The following TRPM3 variants were observed in gnomAD, a reference collection of about 807,000 sequenced individuals.
TRPM3 encodes transient receptor potential cation channel subfamily M member 3.
Under a neutral mutation model 181.2 loss-of-function variants are expected in TRPM3, and 77 were observed. That is an observed-to-expected ratio of 0.42 (90% CI 0.35 to 0.51). The LOEUF (loss-of-function observed/expected upper bound fraction) is 0.51. TRPM3 is among the 20% of genes least tolerant of loss of function. TRPM3 has a pLI of 0.01. For synonymous variants in TRPM3, 745 were observed against 796.4 expected (o/e 0.94, Z 1.09); for missense variants, 1,759 against 2,196.7 (o/e 0.80, Z 3.98).
chr9:70,846,248 C>T (rs1417651717), intron 4 of TRPM3, 130 bp downstream of exon 4: 1 of 809,902 alleles, frequency 1.2e-6, no homozygotes, highest in Non-Finnish European at 2.1e-6. Flanking sequence ...GGAGTGATAA[C>T]CAGCAACTAT....
chr9:70,900,225 C>G (rs901599603), intron 1 of TRPM3, among the ~76,000 whole-genome samples: 1 of 152,138 alleles, frequency 6.6e-6, no homozygotes, highest in African/African-American at 2.4e-5. Flanking sequence ...TTATTACACT[C>G]AGCTACTCGG....
intron 1 of TRPM3, among the ~76,000 whole-genome samples, chr9:70,934,333 G>C (rs901750500): frequency 6.6e-6 from 1 of 152,118 alleles, no homozygotes; most frequent in African/African-American, 2.4e-5. Context: ...GATATGGGAA[G>C]GTCAGTCTGA....
At chr9:70,670,243 A>G (rs2062657355) in intron 9 of TRPM3, among the ~76,000 whole-genome samples, 1 of 152,204 alleles carries the variant, frequency 6.6e-6, no homozygotes, top group African/African-American at 2.4e-5. Flanking sequence ...GCCAACTTTC[A>G]TGCCGAAGAA....
chr9:71,419,239 T>C (rs532848201), intron 1 of TRPM3, among the ~76,000 whole-genome samples: 2 of 151,790 alleles, frequency 1.3e-5, no homozygotes, highest in African/African-American at 2.4e-5. Flanking sequence ...GTAATTATCA[T>C]AGTAGCAATA....
chr9:70,562,657 A>T (rs1406073611), intron 22 of TRPM3, among the ~76,000 whole-genome samples: 2 of 151,518 alleles, frequency 1.3e-5, no homozygotes, highest in African/African-American at 4.9e-5. Flanking sequence ...CTGGGGGAGA[A>T]GTGGGGAGAA....
At chr9:70,857,644 T>C (rs949830561) in intron 3 of TRPM3, among the ~76,000 whole-genome samples, 5 of 152,188 alleles carry the variant, frequency 3.3e-5, no homozygotes, top group Non-Finnish European at 7.3e-5. Context: ...GAAACAGAAC[T>C]GACAGGAGTC....
chr9:70,673,941 C>A (rs2134118922), intron 9 of TRPM3, among the ~76,000 whole-genome samples: 1 of 109,066 alleles, frequency 9.2e-6, no homozygotes. Flanking sequence ...CAGAGTAAAA[C>A]TCCATCTCAA....
At position 71,421,539 on chromosome 9, in the gene TRPM3, C is replaced by G. The variant is rs116212191; in HGVS notation, c.183+25114G>C. On this transcript the variant is annotated intron_variant, in intron 1 of 24. Coordinates refer to the TRPM3 transcript ENST00000357533. ...CTGCAGACATCATCAGAGGAATCCA[C>G]ACAACAAACCATACCAACTAGCCTT... is the stretch of plus-strand genomic sequence containing the variant. 8.6e-4 allele frequency among the ~76,000 whole-genome samples: 130 copies of G among 152,032 alleles called. 1 individual carries two copies. Among genetic ancestry groups the G allele is most frequent in the African/African-American group, 3.1e-3 (127 of 41,508 alleles).
At chr9:71,019,072 A>G (rs1192824864) in intron 1 of TRPM3, among the ~76,000 whole-genome samples, 2 of 152,014 alleles carry the variant, frequency 1.3e-5, no homozygotes, top group South Asian at 4.1e-4. Context: ...ATGCATATAA[A>G]CAACTAAGAA....
intron 1 of TRPM3, among the ~76,000 whole-genome samples, chr9:71,376,916 T>C (rs1397676778): frequency 6.6e-6 from 1 of 152,068 alleles, no homozygotes; most frequent in Non-Finnish European, 1.5e-5. Flanking sequence ...TTCAGCTCTC[T>C]TACTGCACAT....
chr9:70,642,552 G>T (rs1564673977), intron 9 of TRPM3, among the ~76,000 whole-genome samples: 1 of 152,138 alleles, frequency 6.6e-6, no homozygotes, highest in Non-Finnish European at 1.5e-5. Context: ...TTCGCTCAGG[G>T]TGCATCCCAT....
At chr9:71,436,699 C>T (rs1233535288) in intron 1 of TRPM3, among the ~76,000 whole-genome samples, 1 of 152,058 alleles carries the variant, frequency 6.6e-6, no homozygotes, top group African/African-American at 2.4e-5. Context: ...TGGGTGGCTT[C>T]TAGAAGCTGG....
chr9:71,211,979 A>C (rs2079532763), intron 1 of TRPM3, among the ~76,000 whole-genome samples: 1 of 152,164 alleles, frequency 6.6e-6, no homozygotes, highest in South Asian at 2.1e-4. Flanking sequence ...ATAGATCTTC[A>C]ACTGTAATGG....
At chr9:70,738,171 C>A (rs1381126429) in intron 8 of TRPM3, among the ~76,000 whole-genome samples, 1 of 152,074 alleles carries the variant, frequency 6.6e-6, no homozygotes, top group Non-Finnish European at 1.5e-5. Context: ...ATATCAACTA[C>A]TCTCTCAGAC....
intron 1 of TRPM3, among the ~76,000 whole-genome samples, chr9:71,312,385 C>T (rs766908551): frequency 5.9e-5 from 9 of 152,036 alleles, no homozygotes; most frequent in Non-Finnish European, 1.3e-4. Context: ...GGCCAAAATC[C>T]AGAAGAACAC....
At chr9:71,386,256 C>T (rs1228056064) in intron 1 of TRPM3, among the ~76,000 whole-genome samples, 1 of 151,814 alleles carries the variant, frequency 6.6e-6, no homozygotes, top group Non-Finnish European at 1.5e-5. Context: ...TGAAACCATC[C>T]TGGCCAACAT....
chr9:70,759,029 T>C (rs1345468240), intron 8 of TRPM3, among the ~76,000 whole-genome samples: 1 of 152,120 alleles, frequency 6.6e-6, no homozygotes, highest in Non-Finnish European at 1.5e-5. Flanking sequence ...GAAACTATCA[T>C]CAGAATGAAC....
intron 1 of TRPM3, among the ~76,000 whole-genome samples, chr9:70,996,362 C>G (rs1435980962): frequency 6.6e-6 from 1 of 152,120 alleles, no homozygotes; most frequent in Non-Finnish European, 1.5e-5. Context: ...AAGAAACAAT[C>G]TCCACTTTTC....
At chr9:71,441,644 T>C (rs2131675074) in intron 1 of TRPM3, among the ~76,000 whole-genome samples, 1 of 151,440 alleles carries the variant, frequency 6.6e-6, no homozygotes. Context: ...TTTTTTTTTT[T>C]TTTTTCTGAG....
Sources: allele counts gnomAD v4.1 joint callset (sites outside exome capture counted in the v4.1 genomes callset), GRCh38; gene constraint gnomAD v4.1.1; transcripts MANE v1.5; gene names NCBI Gene and HGNC (gene_info 2026-07-23, HGNC 2026-07-21).